TBXAS1: variants seen among roughly 807,000 people sequenced by gnomAD.
The protein encoded by TBXAS1 is thromboxane A synthase 1, also known as thromboxane-A synthase.
TBXAS1 carries 48 observed loss-of-function variants against 60.7 expected under a neutral mutation model. That is an observed-to-expected ratio of 0.79 (90% CI 0.63 to 1.01). TBXAS1 has a LOEUF of 1.01. Among genes scored for constraint, TBXAS1 ranks in the 50% least tolerant of loss-of-function variants. The pLI is 0.00. For synonymous variants in TBXAS1, 287 were observed against 269.7 expected (o/e 1.06, Z -0.63); for missense variants, 685 against 686.3 (o/e 1.00, Z 0.02).
At chr7:139,897,011 G>A (rs1224566973) in intron 3 of TBXAS1, among the ~76,000 whole-genome samples, 2 of 152,126 alleles carry the variant, frequency 1.3e-5, no homozygotes, top group Non-Finnish European at 2.9e-5. Flanking sequence ...GAGAGACAGG[G>A]CCTGAAGCCA....
chr7:139,789,926 C>T (rs892944154), intron 4 of TBXAS1, among the ~76,000 whole-genome samples: 11 of 152,140 alleles, frequency 7.2e-5, no homozygotes, highest in East Asian at 3.9e-4. Context: ...CCACCGCACC[C>T]GGCCTAAACA....
intron 9 of TBXAS1, among the ~76,000 whole-genome samples, chr7:140,002,420 A>G (rs1415139298): frequency 1.3e-5 from 2 of 152,362 alleles, no homozygotes; most frequent in East Asian, 3.9e-4. Flanking sequence ...GAGGATTTCC[A>G]AGGTCCTTTC....
At chr7:139,879,719 T>A (rs1348310967) in intron 3 of TBXAS1, among the ~76,000 whole-genome samples, 4 of 152,310 alleles carry the variant, frequency 2.6e-5, no homozygotes, top group African/African-American at 9.6e-5. Flanking sequence ...TGATAAACCT[T>A]TATTAATTAC....
intron 3 of TBXAS1, among the ~76,000 whole-genome samples, chr7:139,884,347 A>G (rs1193352469): frequency 6.6e-6 from 1 of 152,244 alleles, no homozygotes; most frequent in Non-Finnish European, 1.5e-5. Flanking sequence ...ATATTAATTG[A>G]CCATTTAAGA....
intron 3 of TBXAS1, among the ~76,000 whole-genome samples, chr7:139,908,647 C>G (rs984994190): frequency 2.6e-5 from 4 of 152,052 alleles, no homozygotes; most frequent in Non-Finnish European, 4.4e-5. Flanking sequence ...TTAAGTATAT[C>G]TTCTAAGTGC....
chr7:139,962,054 C>T lies in TBXAS1; in HGVS notation c.955C>T (p.Pro319Ser). ...CKPNPSRQHQ[P>S]SPMARPLTVD... ...GCCGAACCCTTCCCGGCAACACCAG[C>T]CCAGCCCTATGGCCAGGCCTTTGAC... The change falls in exon 9 of 13, where the codon CCC (proline) becomes TCC (serine). Residue 319 changes from proline to serine, a missense_variant. Pro to Ser is a moderately conservative substitution (Grantham distance 74). Coordinates refer to ENST00000448866, the MANE Select transcript of TBXAS1 (RefSeq NM_001061.7). 2 of 1,614,254 alleles carry T rather than the reference C, an allele frequency of 1.2e-6. No homozygotes were observed. Among genetic ancestry groups the T allele is most frequent in the South Asian group, 1.1e-5 (1 of 91,084 alleles).
intron 1 of TBXAS1, among the ~76,000 whole-genome samples, chr7:139,860,988 A>T (rs1156975542): frequency 6.6e-6 from 1 of 152,136 alleles, no homozygotes; most frequent in Admixed American, 6.5e-5. Flanking sequence ...AGCCTGGTTA[A>T]TATGGTGAAA....
chr7:139,905,057 TTCTC>T (rs796683953), intron 3 of TBXAS1, among the ~76,000 whole-genome samples: 63 of 107,532 alleles, frequency 5.9e-4, no homozygotes, highest in Admixed American at 2.2e-3. Flanking sequence ...CTTTCTTTCT[TTCTC>T]TCTCTCTCTC....
chr7:140,005,305 T>C (rs1343379227), intron 9 of TBXAS1, among the ~76,000 whole-genome samples: 2 of 152,104 alleles, frequency 1.3e-5, no homozygotes. Context: ...GGCAGATGCC[T>C]GTAATCCCAG....
intron 3 of TBXAS1, among the ~76,000 whole-genome samples, chr7:139,883,136 A>C (rs1329839897): frequency 6.6e-6 from 1 of 152,214 alleles, no homozygotes; most frequent in Non-Finnish European, 1.5e-5. Flanking sequence ...TGGAATTATC[A>C]AAGGAACAAT....
At chr7:139,805,786 T>A (rs1420414090) in intron 4 of TBXAS1, among the ~76,000 whole-genome samples, 1 of 148,026 alleles carries the variant, frequency 6.8e-6, no homozygotes, top group Non-Finnish European at 1.5e-5. Context: ...TTTTTTTTTT[T>A]GAAACAGCCT....
At chr7:139,839,581 A>C (rs561632896) in intron 1 of TBXAS1, among the ~76,000 whole-genome samples, 25 of 151,978 alleles carry the variant, frequency 1.6e-4, no homozygotes, top group African/African-American at 5.8e-4. Context: ...GCTTATGCCC[A>C]AAATCCCAGG....
intron 1 of TBXAS1, among the ~76,000 whole-genome samples, chr7:139,851,189 T>C (rs1800187644): frequency 6.6e-6 from 1 of 152,206 alleles, no homozygotes; most frequent in African/African-American, 2.4e-5. Context: ...ATCTCTTAGC[T>C]GCAATAATCT....
chr7:139,824,796 A>AT (rs1016665499), upstream of TBXAS1, among the ~76,000 whole-genome samples: 277 of 132,428 alleles, frequency 2.1e-3, no homozygotes, highest in African/African-American at 7.4e-3. Context: ...TGTAGAGTTG[A>AT]TTTTTTCTTT....
At chr7:139,938,152 G>A (rs1807957281) in intron 5 of TBXAS1, among the ~76,000 whole-genome samples, 1 of 152,152 alleles carries the variant, frequency 6.6e-6, no homozygotes, top group East Asian at 1.9e-4. Context: ...CATCGGGGCT[G>A]GCCCGCGGCC....
chr7:140,014,968 AT>A (rs1392051012), intron 10 of TBXAS1, among the ~76,000 whole-genome samples: 2 of 151,884 alleles, frequency 1.3e-5, no homozygotes, highest in East Asian at 3.9e-4. Flanking sequence ...GAGGAGGAGG[AT>A]GCAGCAAAAA....
At chr7:139,977,481 A>C (rs1204761526) in intron 9 of TBXAS1, among the ~76,000 whole-genome samples, 1 of 152,178 alleles carries the variant, frequency 6.6e-6, no homozygotes, top group Non-Finnish European at 1.5e-5. Flanking sequence ...GTGGGAGTTA[A>C]AATTCAAGAC....
chr7:139,848,355 A>C (rs2116628974), intron 1 of TBXAS1, among the ~76,000 whole-genome samples: 1 of 152,204 alleles, frequency 6.6e-6, no homozygotes, highest in East Asian at 1.9e-4. Context: ...GGTAGAAAAA[A>C]AGTTGTGCAT....
rs13223168 is a variant in TBXAS1, at chr7:139,999,088, C to G, written c.1135-8003C>G. ...ATGTGGATGGAAAGATTTATCACCC[C>G]CTCTCATAACCAAACCTCCATCGTA... On this transcript the variant is annotated intron_variant, in intron 9 of 12. Coordinates refer to ENST00000448866, the MANE Select transcript of TBXAS1 (RefSeq NM_001061.7). The surrounding 1 kb of genome is among the most constrained non-coding windows in gnomAD (Gnocchi z 4.3). Among the ~76,000 whole-genome samples the G allele has an allele frequency of 0.012, 1,848 of 152,310 alleles. 15 individuals carry two copies. Among genetic ancestry groups the G allele is most frequent in the Non-Finnish European group, 0.019 (1,311 of 68,028 alleles).
Sources: gnomAD v4.1 joint callset for allele counts (sites outside exome capture counted in the v4.1 genomes callset) on GRCh38, gnomAD v4.1.1 for gene constraint, Gnocchi (gnomAD v3.1) non-coding constraint, MANE v1.5 for transcripts, NCBI Gene and HGNC (gene_info 2026-07-23, HGNC 2026-07-21) for gene names.